Variants in DPP6 observed in about 807,000 individuals in gnomAD.
The protein encoded by DPP6 is A-type potassium channel modulatory protein DPP6.
Under a neutral mutation model 122.6 loss-of-function variants are expected in DPP6, and 69 were observed. The observed-to-expected ratio is 0.56, with a 90% CI of 0.46 to 0.69. The LOEUF (loss-of-function observed/expected upper bound fraction) is 0.69. Ranked by LOEUF, DPP6 falls within the 30% of genes least tolerant of loss-of-function variation. The pLI, the probability that DPP6 is intolerant of heterozygous loss-of-function variation, is 0.00. For synonymous variants in DPP6, 418 were observed against 433.1 expected (o/e 0.97, Z 0.43); for missense variants, 928 against 1,116.9 (o/e 0.83, Z 2.41).
In DPP6 at chr7:154,863,876, A is replaced by T. The variant is rs1803628972; in HGVS notation, c.1715-4119A>T. 6.6e-6 allele frequency among the ~76,000 whole-genome samples: 1 copy of T among 152,152 alleles called. No homozygotes were observed. The highest frequency in any genetic ancestry group is 2.4e-5 in the African/African-American group (1 of 41,448). On this transcript the variant is annotated intron_variant, in intron 17 of 25. Coordinates refer to ENST00000377770, the MANE Select transcript of DPP6 (RefSeq NM_130797.4). The surrounding 1 kb of genome is among the most constrained non-coding windows in gnomAD (Gnocchi z 4.1). ...AGGTGAGTAAGTTTAAACAGTAGTC[A>T]TGCGGGCTCTGGGCCTGAATCTGGT...
chr7:154,633,685 C>T (rs981784034), intron 5 of DPP6, among the ~76,000 whole-genome samples: 1 of 152,232 alleles, frequency 6.6e-6, no homozygotes, highest in Non-Finnish European at 1.5e-5. Flanking sequence ...AATGAAAACG[C>T]TTCAATTTGC....
At chr7:154,684,736 A>G (rs879554992) in intron 7 of DPP6, among the ~76,000 whole-genome samples, 12 of 152,184 alleles carry the variant, frequency 7.9e-5, no homozygotes, top group Admixed American at 1.3e-4. Flanking sequence ...ACATGTATCT[A>G]TTTAATTAAG....
intron 1 of DPP6, among the ~76,000 whole-genome samples, chr7:154,010,512 T>A (rs888935048): frequency 6.6e-5 from 10 of 152,224 alleles, no homozygotes; most frequent in Non-Finnish European, 4.4e-5. Context: ...TCTCATGAAT[T>A]AATGAGCTCA....
chr7:153,926,383 C>A (rs958877420), intron 1 of DPP6, among the ~76,000 whole-genome samples: 1 of 152,188 alleles, frequency 6.6e-6, no homozygotes, highest in Non-Finnish European at 1.5e-5. Flanking sequence ...AAGAGAATTG[C>A]TGTATTACAA....
In DPP6 at chr7:154,889,300, C is replaced by T. The variant is rs201710106; in HGVS notation, c.2333C>T (p.Ala778Val). ...EMTKVAHRVS[A>V]LEEQQFLIIH... is the part of the protein sequence containing the mutation. The stretch of plus-strand genomic sequence containing the variant: ...ACCAAGGTAGCCCATCGAGTCTCCG[C>T]GCTGGAAGAACAGCAGTTCCTGATC... The change falls in exon 24 of 26, where the codon GCG becomes GTG. Residue 778 changes from alanine to valine, a missense_variant. Ala to Val is a moderately conservative substitution (Grantham distance 64). Coordinates refer to ENST00000377770, the MANE Select transcript of DPP6 (RefSeq NM_130797.4). The T allele has an allele frequency of 8.7e-5, 141 of 1,613,068 alleles. No individual in the cohort carries two copies. In the Admixed American group the frequency reaches 1.0e-3, roughly 11 times the overall value.
At chr7:154,301,638 T>G (rs1033702248) in intron 1 of DPP6, among the ~76,000 whole-genome samples, 5 of 152,162 alleles carry the variant, frequency 3.3e-5, no homozygotes, top group African/African-American at 1.2e-4. Flanking sequence ...CTTTCTGTAT[T>G]TGCAGTAATA....
intron 1 of DPP6, among the ~76,000 whole-genome samples, chr7:153,984,748 A>G (rs1217696074): frequency 2.6e-5 from 4 of 152,184 alleles, no homozygotes; most frequent in African/African-American, 9.7e-5. Flanking sequence ...TAATCTTTAA[A>G]ATTCAAACTC....
the DPP6 span, among the ~76,000 whole-genome samples, chr7:153,879,889 C>G: frequency 6.6e-6 from 1 of 152,130 alleles, no homozygotes; most frequent in African/African-American, 2.4e-5. Flanking sequence ...GAGTTTTATA[C>G]ATATTTTATA....
chr7:154,762,643 G>T (rs1379238476), intron 8 of DPP6, among the ~76,000 whole-genome samples: 1 of 152,210 alleles, frequency 6.6e-6, no homozygotes, highest in Non-Finnish European at 1.5e-5. Context: ...TAACCGGCAG[G>T]GCTCAGTAGA....
rs748925720 is a variant in DPP6, at chr7:154,892,910, T to C, written c.*430T>C. ...CATCACACCCTGTCTCACGTCGCAG[T>C]GCCATGGACGCAGCAGTTACAGCAC... On this transcript the variant is annotated 3_prime_UTR_variant, in exon 26 of 26. Coordinates refer to ENST00000377770, the MANE Select transcript of DPP6 (RefSeq NM_130797.4). 1 of 524,298 alleles carries C rather than the reference T, an allele frequency of 1.9e-6. No individual in the cohort carries two copies. Among genetic ancestry groups the C allele is most frequent in the East Asian group, 5.4e-5 (1 of 18,672 alleles). 32.5% of individuals were successfully genotyped at this position (524,298 alleles called of 1,614,324 possible).
At position 154,575,341 on chromosome 7, in the gene DPP6, GTA is replaced by G. The variant is rs1452036767; in HGVS notation, c.627+8427_627+8428del. On this transcript the variant is annotated intron_variant, in intron 5 of 25. Coordinates refer to ENST00000377770, the MANE Select transcript of DPP6 (RefSeq NM_130797.4). ...GTGTGTGTATGTGTGTGTGGTGTGT[GTA>G]TGTGTGTGTGGTGTGTGTGTGATGT... 5.3e-3 allele frequency among the ~76,000 whole-genome samples: 364 copies of G among 68,438 alleles called. 6 individuals are homozygous for G. Among genetic ancestry groups the G allele is most frequent in the African/African-American group, 0.02 (333 of 16,756 alleles). 44.9% of individuals were successfully genotyped at this position (68,438 alleles called of 152,430 possible).
intron 1 of DPP6, among the ~76,000 whole-genome samples, chr7:154,220,559 C>T (rs4421279): frequency 0.66 from 99,677 of 151,890 alleles, 35,307 homozygotes; most frequent in Non-Finnish European, 0.79. Context: ...CCATGTGCCC[C>T]GAGCCTAAAT....
chr7:154,063,675 C>CG (rs1802445618), intron 1 of DPP6, among the ~76,000 whole-genome samples: 113 of 111,880 alleles, frequency 1.0e-3, no homozygotes, highest in Non-Finnish European at 1.2e-3. Context: ...GGACCCCCAT[C>CG]CCAGCGGGGG....
At chr7:153,915,947 A>T (rs1379186249) in intron 1 of DPP6, among the ~76,000 whole-genome samples, 2 of 4,820 alleles carry the variant, frequency 4.1e-4, no homozygotes, top group Middle Eastern at 0.17. Context: ...TCTGATTTTT[A>T]TTTATTTATT....
chr7:154,132,786 C>T (rs936748127), intron 1 of DPP6, among the ~76,000 whole-genome samples: 15 of 152,064 alleles, frequency 9.9e-5, no homozygotes, highest in Non-Finnish European at 1.9e-4. Context: ...CCAGGAGATG[C>T]CACACGTGAA....
intron 1 of DPP6, among the ~76,000 whole-genome samples, chr7:154,202,952 G>GA (rs1389622711): frequency 6.6e-6 from 1 of 152,092 alleles, no homozygotes; most frequent in East Asian, 1.9e-4. Flanking sequence ...ACCTGATGGG[G>GA]ACACAGGCCA....
chr7:154,818,442 T>C (rs1799554358), intron 16 of DPP6, among the ~76,000 whole-genome samples: 1 of 152,208 alleles, frequency 6.6e-6, no homozygotes, highest in Non-Finnish European at 1.5e-5. Context: ...AACATAGGAA[T>C]TAAATATTCT....
intron 1 of DPP6, among the ~76,000 whole-genome samples, chr7:154,400,082 TG>T (rs1445330735): frequency 1.3e-5 from 2 of 152,078 alleles, no homozygotes; most frequent in Non-Finnish European, 2.9e-5. Context: ...ATTTGAATAC[TG>T]CTGGAAATTA....
intron 6 of DPP6, among the ~76,000 whole-genome samples, chr7:154,662,439 AGT>A (rs1837783204): frequency 8.7e-6 from 1 of 115,226 alleles, no homozygotes; most frequent in Non-Finnish European, 1.9e-5. Context: ...GTGTTCATAT[AGT>A]CATGGTGAAT....
Sources: allele counts gnomAD v4.1 joint callset (sites outside exome capture counted in the v4.1 genomes callset), GRCh38; gene constraint gnomAD v4.1.1; non-coding constraint Gnocchi (gnomAD v3.1); transcripts MANE v1.5; gene names NCBI Gene and HGNC (gene_info 2026-07-23, HGNC 2026-07-21).